Variants in MCF2L observed in about 807,000 individuals in gnomAD.
MCF2L encodes MCF.2 cell line derived transforming sequence like.
A neutral mutation model predicts 153.4 loss-of-function variants in MCF2L; 97 were observed. That is an observed-to-expected ratio of 0.63 (90% CI 0.54 to 0.75). The LOEUF is 0.75. MCF2L is among the 30% of genes least tolerant of loss of function. The pLI is 0.00. For missense variants in MCF2L, 1,347 were observed against 1,495.2 expected, an observed-to-expected ratio of 0.90 and a Z score of 1.64; for synonymous variants, 659 against 632.2, an observed-to-expected ratio of 1.04 and a Z score of -0.64.
intron 1 of MCF2L, among the ~76,000 whole-genome samples, chr13:112,973,224 G>A (rs558374412): frequency 5.3e-5 from 8 of 152,266 alleles, no homozygotes; most frequent in East Asian, 3.9e-4. Context: ...AGTGATTGGC[G>A]TCTCCTCAAG....
At chr13:112,976,536 G>A (rs1337552134) in intron 1 of MCF2L, among the ~76,000 whole-genome samples, 1 of 152,194 alleles carries the variant, frequency 6.6e-6, no homozygotes, top group Non-Finnish European at 1.5e-5. Flanking sequence ...CCTTCAGGTC[G>A]CTCATGGGGC....
intron 15 of MCF2L, 134 bp downstream of exon 15, chr13:113,078,873 CACCA>C (rs1566857528): frequency 2.3e-6 from 2 of 851,874 alleles, no homozygotes; most frequent in Non-Finnish European, 3.6e-6. Context: ...CTTACTTTTG[CACCA>C]ACCGATACCC....
intron 2 of MCF2L, among the ~76,000 whole-genome samples, chr13:112,938,351 C>T (rs1417844000): frequency 1.3e-5 from 2 of 151,766 alleles, no homozygotes; most frequent in African/African-American, 4.8e-5. Context: ...TTCAGGTGAG[C>T]CCTGAAAGTC....
intron 2 of MCF2L, among the ~76,000 whole-genome samples, chr13:112,928,787 C>T (rs575097687): frequency 8.8e-4 from 134 of 152,362 alleles, no homozygotes; most frequent in African/African-American, 3.1e-3. Context: ...GCAGCTCTGA[C>T]GCTTCCCTGC....
rs2084997348 is a variant in MCF2L at position 113,023,092 on chromosome 13, A to G, written c.164-1552A>G. ...TTCGGGGGCTTCCTTAGAATGCAGC[A>G]TTGCGGGGACTGAGCTGTCCCAGGT... On this transcript the variant is annotated intron_variant, in intron 2 of 29. Transcript: ENST00000535094. Among the ~76,000 whole-genome samples, 7 of 152,182 alleles carry G rather than the reference A, an allele frequency of 4.6e-5. No individual in the cohort carries two copies. In the South Asian group the frequency reaches 1.2e-3, roughly 27 times the overall value.
At chr13:113,058,736 C>CGCTGGGTGGGT (rs148607244) in intron 4 of MCF2L, among the ~76,000 whole-genome samples, 2 of 119,952 alleles carry the variant, frequency 1.7e-5, no homozygotes, top group Non-Finnish European at 1.7e-5. Flanking sequence ...GCTGTGTGGG[C>CGCTGGGTGGGT]GCTGAGTGGG....
intron 1 of MCF2L, among the ~76,000 whole-genome samples, chr13:113,008,524 G>C (rs1247245514): frequency 6.6e-6 from 1 of 152,182 alleles, no homozygotes; most frequent in East Asian, 1.9e-4. Flanking sequence ...GACAGAAAAA[G>C]TTGGGTAATT....
chr13:112,917,600 C>T (rs1215774877), intron 2 of MCF2L: 1 of 183,818 alleles, frequency 5.4e-6, no homozygotes, highest in Non-Finnish European at 1.1e-5. Context: ...GCCCACCTGG[C>T]CCTTCGTGCC....
chr13:112,922,952 T>G (rs28482931), intron 2 of MCF2L, among the ~76,000 whole-genome samples: 9 of 152,118 alleles, frequency 5.9e-5, no homozygotes, highest in Admixed American at 5.9e-4. Flanking sequence ...TTCATAGATG[T>G]GGAAAAAGCA....
Position 113,054,802 on chromosome 13 carries a change from C to CT in MCF2L, c.370-5790dup. 1 of 152,228 alleles carries CT rather than the reference C, an allele frequency of 6.6e-6. No individual in the cohort carries two copies. Among genetic ancestry groups the CT allele is most frequent in the Non-Finnish European group, 1.5e-5 (1 of 68,050 alleles). The allele number at this position is 152,228 out of a possible 1,614,324, so 9.4% of individuals were successfully genotyped here. A position where few individuals can be genotyped will look rare whatever the true frequency, so the allele number is the denominator to read the frequency against. On this transcript the variant is annotated intron_variant, in intron 4 of 29. Coordinates refer to ENST00000535094, the MANE Select transcript of MCF2L (RefSeq NM_001112732.3). The surrounding 1 kb of genome is among the most constrained non-coding windows in gnomAD (Gnocchi z 5.2). Reference sequence around the variant, plus strand: ...CATGCAGCGATTGTTTTCTGAGTCTCTAAGAATATTAACTCAGAAACCAGT... The same window carrying CT: ...CATGCAGCGATTGTTTTCTGAGTCTCTTAAGAATATTAACTCAGAAACCAGT...
chr13:113,034,653 GCCCTGGTCTCACCCTCA>G lies in MCF2L; in HGVS notation c.278+9927_278+9943del, dbSNP rs572611100. On this transcript the variant is annotated intron_variant, in intron 3 of 29. Coordinates refer to ENST00000535094, the MANE Select transcript of MCF2L (RefSeq NM_001112732.3). ...TGGTCTCACCCACGCCCTCGCCCTT[GCCCTGGTCTCACCCTCA>G]CCCTGGTCTCACCCTCACCCTGGTC... Among the ~76,000 whole-genome samples the G allele has an allele frequency of 7.0e-4, 105 of 150,718 alleles. 1 individual carries two copies. In the South Asian group the frequency reaches 0.01, roughly 15 times the overall value.
chr13:113,017,289 G>T (rs906508725), intron 2 of MCF2L, among the ~76,000 whole-genome samples: 1 of 152,222 alleles, frequency 6.6e-6, no homozygotes, highest in East Asian at 1.9e-4. Flanking sequence ...CTCAGGTTCC[G>T]TGGGGCTGTG....
chr13:113,085,124 C>T lies in MCF2L; in HGVS notation c.2193C>T (p.Asp731=), dbSNP rs2034507560. The T allele has an allele frequency of 1.2e-6, 2 of 1,613,596 alleles. No individual in the cohort carries two copies. Among genetic ancestry groups the T allele is most frequent in the Middle Eastern group, 1.6e-4 (1 of 6,084 alleles). The stretch of plus-strand genomic sequence containing the variant: ...AGCTGGACCACAAGCTGAGCCTGGA[C>T]TCCTACCTGCTGAAGCCAGTGCAGA... The part of the protein sequence containing the change: ...QRKLDHKLSL[D]SYLLKPVQRI... Residue 731 remains aspartate (D), a synonymous_variant, in exon 20 of 30, where the codon GAC becomes GAT. Transcript: ENST00000535094.
chr13:113,038,028 A>G (rs2086253334), intron 3 of MCF2L, among the ~76,000 whole-genome samples: 1 of 152,230 alleles, frequency 6.6e-6, no homozygotes, highest in African/African-American at 2.4e-5. Flanking sequence ...TAGTATTTTT[A>G]TATATATCAA....
intron 1 of MCF2L, among the ~76,000 whole-genome samples, chr13:112,986,491 C>A (rs955278157): frequency 1.3e-5 from 2 of 152,238 alleles, no homozygotes; most frequent in Non-Finnish European, 2.9e-5. Flanking sequence ...CCTCCCACCT[C>A]CCCACGGTCC....
In MCF2L at chr13:113,024,650, GGGGGCAGGACGGAAGC is replaced by G. The variant is rs1566754258; in HGVS notation, c.171_186del (p.Gly58ArgfsTer23). 6.2e-7 allele frequency: 1 copy of G among 1,611,928 alleles called. No individual in the cohort carries two copies. The highest frequency in any genetic ancestry group is 1.7e-5 in the Admixed American group (1 of 60,014). On this transcript the variant is annotated frameshift_variant, in exon 3 of 30. Transcript: ENST00000535094. LOFTEE classifies it high-confidence loss of function. ...GCCTCTGGTCTCTCCCCAGGTGGGC[GGGGGCAGGACGGAAGC>G]CCGGTTATCACCTTCCCTGACTACC... is the stretch of plus-strand genomic sequence containing the variant.
chr13:113,079,205 G>A (rs1371702885), intron 15 of MCF2L, among the ~76,000 whole-genome samples: 1 of 152,190 alleles, frequency 6.6e-6, no homozygotes, highest in Non-Finnish European at 1.5e-5. Context: ...TGGGATTCCT[G>A]GACCCTCAAA....
At chr13:113,016,796 C>G (rs2141215131) in intron 2 of MCF2L, among the ~76,000 whole-genome samples, 1 of 152,346 alleles carries the variant, frequency 6.6e-6, no homozygotes, top group East Asian at 1.9e-4. Context: ...GAGGCACGCC[C>G]TCGTACATGC....
Position 113,060,661 on chromosome 13 carries a change from C to T in MCF2L, c.438C>T (p.Leu146=). The T allele has an allele frequency of 1.2e-6, 2 of 1,613,662 alleles. No individual in the cohort carries two copies. Among genetic ancestry groups the T allele is most frequent in the East Asian group, 2.2e-5 (1 of 44,884 alleles). ...CGACGGGTTTTTTCCAAAGGACTCT[C>T]TCCGACATCGCTTTCAAATTCAATA... ...LRPTGFFQRT[L]SDIAFKFNRD... The change falls in exon 5 of 30, where the codon CTC becomes CTT. Residue 146 remains leucine, a synonymous_variant. Transcript: ENST00000535094.
Sources: allele counts gnomAD v4.1 joint callset (sites outside exome capture counted in the v4.1 genomes callset), GRCh38; gene constraint gnomAD v4.1.1; non-coding constraint Gnocchi (gnomAD v3.1); transcripts MANE v1.5; gene names NCBI Gene and HGNC (gene_info 2026-07-23, HGNC 2026-07-21).